AIF1: variants seen among roughly 807,000 people sequenced by gnomAD.
The protein encoded by AIF1 is allograft inflammatory factor 1, also known as interferon gamma responsive transcript.
AIF1 carries 21 observed loss-of-function variants against 20.6 expected under a neutral mutation model. That is an observed-to-expected ratio of 1.02 (90% confidence interval 0.72 to 1.47). The LOEUF (loss-of-function observed/expected upper bound fraction) is 1.47. AIF1 is among the 40% of genes most tolerant of loss of function. AIF1 has a pLI of 0.00. For synonymous variants in AIF1, 52 were observed against 65.8 expected (o/e 0.79, Z 1.01); for missense variants, 161 against 170.5 (o/e 0.94, Z 0.31).
At chr6:31,615,823 T>TA (rs1289003495) in intron 3 of AIF1, 87 bp downstream of exon 3, 1 of 1,538,580 alleles carries the variant, frequency 6.5e-7, no homozygotes, top group Non-Finnish European at 8.8e-7. Flanking sequence ...ACAGCAGAGA[T>TA]AAAAAGTTTA....
chr6:31,616,910 A>T lies in AIF1; in HGVS notation c.*10A>T. 6.2e-7 allele frequency: 1 copy of T among 1,614,152 alleles called. No individual in the cohort carries two copies. Among genetic ancestry groups the T allele is most frequent in the Non-Finnish European group, 8.5e-7 (1 of 1,179,990 alleles). ...CTCTGAGTTGCCCTGATTTGAAGGGAAAAGGGATGATGGGATTGAAGGGGC... is the reference window on the plus strand; with the variant it reads ...CTCTGAGTTGCCCTGATTTGAAGGGTAAAGGGATGATGGGATTGAAGGGGC... On this transcript the variant is annotated 3_prime_UTR_variant, in exon 6 of 6. Transcript: ENST00000376059. The surrounding 1 kb of genome is among the most constrained non-coding windows in gnomAD (Gnocchi z 4.0).
intron 1 of AIF1, 43 bp from the exon 2 acceptor site, chr6:31,615,478 G>C: frequency 1.9e-6 from 3 of 1,613,892 alleles, no homozygotes; most frequent in Admixed American, 3.3e-5. Flanking sequence ...GGTAAGGAGA[G>C]GAAGGGAGGG....
At position 31,615,945 on chromosome 6, in the gene AIF1, G is replaced by A. The variant is rs1774308650; in HGVS notation, c.155-159G>A. ...CCCTCTAGCTCCTTACACCCTAGCG[G>A]GGCCCCTCAACTCCCCAACCCCACT... On this transcript the variant is annotated intron_variant, in intron 3 of 5. Coordinates refer to ENST00000376059, the MANE Select transcript of AIF1 (RefSeq NM_001623.5). 6 of 1,481,934 alleles carry A rather than the reference G, an allele frequency of 4.0e-6. No homozygotes were observed. In the South Asian group the frequency reaches 7.0e-5, roughly 17 times the overall value. 91.8% of individuals were successfully genotyped at this position (1,481,934 alleles called of 1,614,324 possible).
At position 31,616,192 on chromosome 6, in the gene AIF1, G is replaced by T. The variant is rs1268350056; in HGVS notation, c.196+47G>T. 6.2e-6 allele frequency: 10 copies of T among 1,613,118 alleles called. No individual in the cohort carries two copies. Among genetic ancestry groups the T allele is most frequent in the African/African-American group, 5.3e-5 (4 of 74,928 alleles). The stretch of plus-strand genomic sequence containing the variant: ...GGGGCAGGGTGGTGTGCAGGCCTAA[G>T]AAGACAGAGGTCTCTCCTACATGCT... On this transcript the variant is annotated intron_variant, in intron 4 of 5. Transcript: ENST00000376059. The surrounding 1 kb of genome is among the most constrained non-coding windows in gnomAD (Gnocchi z 4.0).
chr6:31,615,855 A>T, intron 3 of AIF1, 119 bp downstream of exon 3: 3 of 1,512,308 alleles, frequency 2.0e-6, no homozygotes, highest in Non-Finnish European at 1.8e-6. Context: ...GCAAAAGGGG[A>T]ACCTGCCTTT....
rs1263515562 is a variant in AIF1 at position 31,616,124 on chromosome 6, C to A, written c.175C>A (p.Leu59Ile). The change falls in exon 4 of 6, where the codon CTT becomes ATT. Residue 59 changes from leucine to isoleucine, a missense_variant. Transcript: ENST00000376059. This position sits in a 1 kb window ranked among gnomAD's most constrained non-coding sequence, Gnocchi z 4.0. Reference protein sequence around the residue: ...GFKEKYMEFDLNGNGDIDIMS... With the variant: ...GFKEKYMEFDINGNGDIDIMS... ...CCCAGAGAAATACATGGAGTTTGAC[C>A]TTAATGGAAATGGCGATATTGGTGA... The A allele has an allele frequency of 1.9e-6, 3 of 1,602,170 alleles. No individual in the cohort carries two copies. The highest frequency in any genetic ancestry group is 2.6e-6 in the Non-Finnish European group (3 of 1,173,860).
In AIF1 at chr6:31,616,828, T is replaced by C; in HGVS notation, c.372T>C (p.Tyr124=). Residue 124 remains tyrosine (Y), a synonymous_variant, in exon 6 of 6, where the codon TAT becomes TAC. Coordinates refer to ENST00000376059, the MANE Select transcript of AIF1 (RefSeq NM_001623.5). This position sits in a 1 kb window ranked among gnomAD's most constrained non-coding sequence, Gnocchi z 4.0. The part of the protein sequence containing the change: ...RSAILKMILM[Y]EEKAREKEKP... ...CCATCTCAACCAGGATCCTGATGTA[T>C]GAGGAAAAAGCGAGAGAAAAGGAAA... The C allele has an allele frequency of 6.2e-7, 1 of 1,613,870 alleles. No individual in the cohort carries two copies. The highest frequency in any genetic ancestry group is 1.1e-5 in the South Asian group (1 of 91,076).
chr6:31,615,933 T>TA, intron 3 of AIF1, 171 bp from the exon 4 acceptor site: 1 of 1,477,398 alleles, frequency 6.8e-7, no homozygotes. Flanking sequence ...TCTAGCTCCT[T>TA]ACACCCTAGC....
At position 31,616,242 on chromosome 6, in the gene AIF1, G is replaced by C. The variant is rs780187645; in HGVS notation, c.196+97G>C. 6.2e-7 allele frequency: 1 copy of C among 1,613,048 alleles called. No individual in the cohort carries two copies. The highest frequency in any genetic ancestry group is 8.5e-7 in the Non-Finnish European group (1 of 1,179,972). ...TCCATTCCTCATGATTTGGGAGGGG[G>C]CCCACCTACCACAGTGGGAGGAAGG... On this transcript the variant is annotated intron_variant, in intron 4 of 5. Transcript: ENST00000376059. The surrounding 1 kb of genome is among the most constrained non-coding windows in gnomAD (Gnocchi z 4.0).
At chr6:31,615,878 C>T in intron 3 of AIF1, 142 bp downstream of exon 3, 3 of 1,495,286 alleles carry the variant, frequency 2.0e-6, no homozygotes, top group Non-Finnish European at 1.8e-6. Flanking sequence ...TGCCCTCCTG[C>T]CACACTGCGG....
chr6:31,615,391 A>G (rs1774232550), intron 1 of AIF1, 37 bp downstream of exon 1: 1 of 1,613,404 alleles, frequency 6.2e-7, no homozygotes, highest in African/African-American at 1.3e-5. Context: ...ATTAGATCGG[A>G]GGAATGAGAT....
rs749530214 is a variant in AIF1, at chr6:31,616,247, C to T, written c.197-97C>T. 1 of 1,612,998 alleles carries T rather than the reference C, an allele frequency of 6.2e-7. No individual in the cohort carries two copies. Among genetic ancestry groups the T allele is most frequent in the Non-Finnish European group, 8.5e-7 (1 of 1,179,972 alleles). The stretch of plus-strand genomic sequence containing the variant: ...TCCTCATGATTTGGGAGGGGGCCCA[C>T]CTACCACAGTGGGAGGAAGGAGAAT... On this transcript the variant is annotated intron_variant, in intron 4 of 5. Coordinates refer to ENST00000376059, the MANE Select transcript of AIF1 (RefSeq NM_001623.5). The surrounding 1 kb of genome is among the most constrained non-coding windows in gnomAD (Gnocchi z 4.0).
chr6:31,616,369 G>A lies in AIF1; in HGVS notation c.222G>A (p.Leu74=), dbSNP rs547085846. The change falls in exon 5 of 6, where the codon CTG becomes CTA. Residue 74 remains leucine, a synonymous_variant. Coordinates refer to ENST00000376059, the MANE Select transcript of AIF1 (RefSeq NM_001623.5). The surrounding 1 kb of genome is among the most constrained non-coding windows in gnomAD (Gnocchi z 4.0). ...DIDIMSLKRM[L]EKLGVPKTHL... ...ATATCATGTCCCTGAAACGAATGCT[G>A]GAGAAACTTGGAGTCCCCAAGACTC... The A allele has an allele frequency of 5.1e-5, 82 of 1,612,814 alleles. 1 individual carries two copies. In the South Asian group the frequency reaches 8.3e-4, roughly 16 times the overall value.
chr6:31,616,915 G>T lies in AIF1; in HGVS notation c.*15G>T, dbSNP rs763238488. 1 of 1,614,166 alleles carries T rather than the reference G, an allele frequency of 6.2e-7. No homozygotes were observed. Among genetic ancestry groups the T allele is most frequent in the East Asian group, 2.2e-5 (1 of 44,890 alleles). On this transcript the variant is annotated 3_prime_UTR_variant, in exon 6 of 6. Coordinates refer to ENST00000376059, the MANE Select transcript of AIF1 (RefSeq NM_001623.5). The surrounding 1 kb of genome is among the most constrained non-coding windows in gnomAD (Gnocchi z 4.0). ...AGTTGCCCTGATTTGAAGGGAAAAG[G>T]GATGATGGGATTGAAGGGGCTTCTA...
chr6:31,615,757 G>A (rs559774209), intron 3 of AIF1, 21 bp downstream of exon 3: 80 of 1,599,606 alleles, frequency 5.0e-5, no homozygotes, highest in African/African-American at 4.6e-4. Flanking sequence ...AACTGTAGGC[G>A]GTGGAGACAG....
chr6:31,615,817 C>T (rs1774292032), intron 3 of AIF1, 81 bp downstream of exon 3: 2 of 1,548,592 alleles, frequency 1.3e-6, no homozygotes, highest in South Asian at 1.2e-5. Context: ...GCAGGAACAG[C>T]AGAGATAAAA....
Position 31,616,809 on chromosome 6 carries a change from C to T in AIF1, c.360-7C>T. 2 of 1,614,094 alleles carry T rather than the reference C, an allele frequency of 1.2e-6. No individual in the cohort carries two copies. The highest frequency in any genetic ancestry group is 1.7e-6 in the Non-Finnish European group (2 of 1,179,996). ...CTGATCCCTGTGCCTCTTCCCATCTCAACCAGGATCCTGATGTATGAGGAA... is the reference window on the plus strand; with the variant it reads ...CTGATCCCTGTGCCTCTTCCCATCTTAACCAGGATCCTGATGTATGAGGAA... On this transcript the variant is annotated splice_region_variant and splice_polypyrimidine_tract_variant and intron_variant, in intron 5 of 5. Transcript: ENST00000376059. This position sits in a 1 kb window ranked among gnomAD's most constrained non-coding sequence, Gnocchi z 4.0.
Position 31,616,046 on chromosome 6 carries a change from C to G in AIF1, c.155-58C>G. On this transcript the variant is annotated intron_variant, in intron 3 of 5. Coordinates refer to ENST00000376059, the MANE Select transcript of AIF1 (RefSeq NM_001623.5). This position sits in a 1 kb window ranked among gnomAD's most constrained non-coding sequence, Gnocchi z 4.0. ...GTTGGTTGGCAACCCCTTCCTCAGTCCCCTGCTGAAAACCCTCCAGTCAGC... is the reference window on the plus strand; with the variant it reads ...GTTGGTTGGCAACCCCTTCCTCAGTGCCCTGCTGAAAACCCTCCAGTCAGC... 2.0e-6 allele frequency: 3 copies of G among 1,528,560 alleles called. No individual in the cohort carries two copies. The highest frequency in any genetic ancestry group is 2.6e-6 in the Non-Finnish European group (3 of 1,140,026). 94.7% of individuals were successfully genotyped at this position (1,528,560 alleles called of 1,614,324 possible).
Position 31,616,807 on chromosome 6 carries a change from C to T in AIF1, c.360-9C>T. On this transcript the variant is annotated splice_polypyrimidine_tract_variant and intron_variant, in intron 5 of 5. Transcript: ENST00000376059. This position sits in a 1 kb window ranked among gnomAD's most constrained non-coding sequence, Gnocchi z 4.0. The stretch of plus-strand genomic sequence containing the variant: ...CCCTGATCCCTGTGCCTCTTCCCAT[C>T]TCAACCAGGATCCTGATGTATGAGG... 6.2e-7 allele frequency: 1 copy of T among 1,614,078 alleles called. No homozygotes were observed. The highest frequency in any genetic ancestry group is 1.3e-5 in the African/African-American group (1 of 75,030).
Sources: allele counts gnomAD v4.1 joint callset, GRCh38; gene constraint gnomAD v4.1.1; non-coding constraint Gnocchi (gnomAD v3.1); transcripts MANE v1.5; gene names NCBI Gene and HGNC (gene_info 2026-07-23, HGNC 2026-07-21).